Variants in DDX46 observed in about 807,000 individuals in gnomAD.
The protein encoded by DDX46 is probable ATP-dependent RNA helicase DDX46.
In DDX46, 30 loss-of-function variants were observed where a neutral mutation model predicts 134.9. The ratio of observed to expected loss-of-function variants is 0.22; its 90% CI spans 0.17 to 0.30. The LOEUF (loss-of-function observed/expected upper bound fraction) is 0.30. DDX46 is among the 10% of genes least tolerant of loss of function. DDX46 has a pLI of 1.00. For synonymous variants in DDX46, 415 were observed against 404.1 expected (o/e 1.03, Z -0.32); for missense variants, 622 against 1,248.7 (o/e 0.50, Z 7.56).
At chr5:134,815,706 C>CAAAAAAAA (rs374562980) in intron 18 of DDX46, among the ~76,000 whole-genome samples, 3 of 28,696 alleles carry the variant, frequency 1.0e-4, no homozygotes, top group African/African-American at 3.1e-4. Context: ...GACTCTGTCT[C>CAAAAAAAA]AAAAAAAAAA....
chr5:134,806,813 A>C (rs2150154300), intron 15 of DDX46, among the ~76,000 whole-genome samples: 1 of 152,264 alleles, frequency 6.6e-6, no homozygotes, highest in African/African-American at 2.4e-5. Context: ...GTTTCCTGGG[A>C]ACCTCATCAT....
At chr5:134,786,719 C>T (rs1754347672) in intron 11 of DDX46, among the ~76,000 whole-genome samples, 1 of 152,140 alleles carries the variant, frequency 6.6e-6, no homozygotes, top group Non-Finnish European at 1.5e-5. Flanking sequence ...GTGGCGCCTG[C>T]CTGTAATATC....
intron 22 of DDX46, among the ~76,000 whole-genome samples, chr5:134,827,778 A>T (rs1444474381): frequency 5.9e-5 from 9 of 152,144 alleles, no homozygotes; most frequent in African/African-American, 2.2e-4. Context: ...TTATATTTAT[A>T]TATTGGATTT....
At chr5:134,782,417 A>G (rs976695720) in intron 8 of DDX46, among the ~76,000 whole-genome samples, 1 of 152,114 alleles carries the variant, frequency 6.6e-6, no homozygotes, top group African/African-American at 2.4e-5. Flanking sequence ...CAAGGCGGGC[A>G]GATCACAAGG....
At chr5:134,803,389 A>G (rs1457052564) in intron 15 of DDX46, among the ~76,000 whole-genome samples, 3 of 151,920 alleles carry the variant, frequency 2.0e-5, no homozygotes, top group Non-Finnish European at 4.4e-5. Flanking sequence ...TGGGCAGCAT[A>G]TATACGCACA....
At chr5:134,798,417 G>T (rs1281240481) in intron 15 of DDX46, among the ~76,000 whole-genome samples, 1 of 152,114 alleles carries the variant, frequency 6.6e-6, no homozygotes, top group Non-Finnish European at 1.5e-5. Context: ...TGGCCAGGCT[G>T]TTCTTGAGCT....
At chr5:134,794,794 A>G (rs1188531141) in intron 13 of DDX46, 56 bp from the exon 14 acceptor site, 9 of 1,591,320 alleles carry the variant, frequency 5.7e-6, no homozygotes, top group Non-Finnish European at 7.7e-6. Context: ...TTAACATTGC[A>G]TAAGCTTTGA....
At position 134,811,839 on chromosome 5, in the gene DDX46, A is replaced by C; in HGVS notation, c.2430A>C (p.Ala810=). ...GLQDSDDEDA[A]VDIDEQIESM... ...AAGATTCAGATGATGAGGATGCTGC[A>C]GTTGATGTAAGTACTATTATTCTCT... is the stretch of plus-strand genomic sequence containing the variant. Residue 810 remains alanine, a synonymous_variant, in exon 18 of 23, where the codon GCA becomes GCC. Coordinates refer to ENST00000452510, the MANE Select transcript of DDX46 (RefSeq NM_001300860.2). 6.2e-7 allele frequency: 1 copy of C among 1,608,222 alleles called. No individual in the cohort carries two copies.
intron 16 of DDX46, among the ~76,000 whole-genome samples, chr5:134,810,248 C>T (rs760465769): frequency 7.4e-5 from 11 of 148,294 alleles, no homozygotes; most frequent in Admixed American, 1.3e-4. Context: ...CAAACTCTAG[C>T]GAGACTCCAT....
chr5:134,768,493 A>C (rs1316446029), intron 3 of DDX46, among the ~76,000 whole-genome samples: 1 of 151,400 alleles, frequency 6.6e-6, no homozygotes, highest in Non-Finnish European at 1.5e-5. Flanking sequence ...TACAAAAAGC[A>C]ATTCCAAGCA....
intron 22 of DDX46, among the ~76,000 whole-genome samples, chr5:134,827,370 G>A (rs546510600): frequency 7.2e-5 from 11 of 151,918 alleles, no homozygotes; most frequent in African/African-American, 2.4e-4. Flanking sequence ...CGCCTCCTGC[G>A]TTCAAGTGAT....
At chr5:134,784,653 A>G (rs1754275834) in intron 10 of DDX46, 112 bp downstream of exon 10, 4 of 1,228,332 alleles carry the variant, frequency 3.3e-6, no homozygotes, top group Non-Finnish European at 4.3e-6. Context: ...CTTTATGTAC[A>G]TTTTCTTTAT....
intron 11 of DDX46, 128 bp from the exon 12 acceptor site, chr5:134,788,385 A>G: frequency 1.5e-6 from 1 of 662,626 alleles, no homozygotes; most frequent in Non-Finnish European, 2.5e-6. Flanking sequence ...TAGTGCCCCG[A>G]GATTCAAAAT....
chr5:134,819,078 A>G, intron 21 of DDX46, 74 bp downstream of exon 21: 1 of 1,513,764 alleles, frequency 6.6e-7, no homozygotes, highest in Non-Finnish European at 8.9e-7. Flanking sequence ...CGCAAAGAGC[A>G]TGTGAGGTCA....
rs147693090 is a variant in DDX46, at chr5:134,768,196, G to A, written c.350+1136G>A. On this transcript the variant is annotated intron_variant, in intron 3 of 22. Transcript: ENST00000452510. ...GCAATCTCGGCTCACTGCAACCTTC[G>A]CCTCCCGGGTTCAAGTAATTCTCTT... is the stretch of plus-strand genomic sequence containing the variant. Among the ~76,000 whole-genome samples the A allele has an allele frequency of 9.0e-3, 1,350 of 150,828 alleles. 14 individuals carry two copies. The highest frequency in any genetic ancestry group is 0.03 in the African/African-American group (1,246 of 41,044).
chr5:134,770,317 C>T (rs956545366), intron 3 of DDX46, among the ~76,000 whole-genome samples: 2 of 150,910 alleles, frequency 1.3e-5, no homozygotes, highest in Admixed American at 6.7e-5. Context: ...CTCAAGTGAT[C>T]GTCTTGTTTC....
intron 20 of DDX46, among the ~76,000 whole-genome samples, chr5:134,818,424 C>T (rs542623677): frequency 6.7e-5 from 10 of 149,696 alleles, no homozygotes; most frequent in Admixed American, 4.0e-4. Context: ...CCATAGGGCC[C>T]GGTGAGGTGG....
In DDX46 at chr5:134,830,156, C is replaced by T. The variant is rs1200187843; in HGVS notation, c.*1450C>T. 1 of 112,522 alleles carries T rather than the reference C, an allele frequency of 8.9e-6. No individual in the cohort carries two copies. 7.0% of individuals were successfully genotyped at this position (112,522 alleles called of 1,614,324 possible). On this transcript the variant is annotated 3_prime_UTR_variant, in exon 23 of 23. Coordinates refer to ENST00000452510, the MANE Select transcript of DDX46 (RefSeq NM_001300860.2). ...TCAAACCCACAGATTAAACCAACCA[C>T]AGATCAAAAATAGAAAAAAAAAAAA...
intron 10 of DDX46, 30 bp from the exon 11 acceptor site, chr5:134,785,435 G>A (rs1754302232): frequency 6.2e-7 from 1 of 1,602,274 alleles, no homozygotes; most frequent in Admixed American, 1.7e-5. Context: ...AATTTTGGTG[G>A]TTAGGCTACT....
Sources: gnomAD v4.1 joint callset for allele counts (sites outside exome capture counted in the v4.1 genomes callset) on GRCh38, gnomAD v4.1.1 for gene constraint, MANE v1.5 for transcripts, NCBI Gene and HGNC (gene_info 2026-07-23, HGNC 2026-07-21) for gene names.